The following PLXNA4 variants were observed in gnomAD, a reference collection of about 807,000 sequenced individuals.
The protein encoded by PLXNA4 is plexin-A4.
In PLXNA4, 44 loss-of-function variants were observed where a neutral mutation model predicts 191.8. The observed-to-expected ratio is 0.23, with a 90% CI of 0.18 to 0.29. PLXNA4 has a LOEUF of 0.29. Among genes scored for constraint, PLXNA4 ranks in the 10% least tolerant of loss-of-function variants. The probability of loss-of-function intolerance (pLI) is 1.00; values close to 1 mark genes in which losing one functional copy is unlikely to be tolerated. For synonymous variants in PLXNA4, 1,082 were observed against 1,009.5 expected, an observed-to-expected ratio of 1.07 and a Z score of -1.36; for missense variants, 1,800 against 2,488.8, an observed-to-expected ratio of 0.72 and a Z score of 5.89.
Position 132,491,347 on chromosome 7 carries a change from C to T in PLXNA4, c.1189-1873G>A, listed in dbSNP as rs569146074. On this transcript the variant is annotated intron_variant, in intron 2 of 31. Transcript: ENST00000321063. The stretch of plus-strand genomic sequence containing the variant: ...GGAGTGTGTGAAACCAGGCCACAGG[C>T]GTTCACCTGGCCCCAGCAGGCTCCT... 7.9e-5 allele frequency among the ~76,000 whole-genome samples: 12 copies of T among 152,306 alleles called. No individual in the cohort carries two copies. The East Asian group carries it at 1.9e-3, about 25-fold the overall frequency.
rs1263636580 is a variant in PLXNA4 at position 132,316,144 on chromosome 7, A to G, written c.1372-17922T>C. On this transcript the variant is annotated intron_variant, in intron 3 of 31. Transcript: ENST00000321063. ...AGGGGCACTGTCATTCCTTTAACAA[A>G]GTGAACGCCCACTTATTGCCTCAAA... Among the ~76,000 whole-genome samples, 4 of 152,198 alleles carry G rather than the reference A, an allele frequency of 2.6e-5. No homozygotes were observed. The East Asian group carries it at 7.7e-4, about 29-fold the overall frequency.
At chr7:132,178,123 G>A (rs1796538220) in intron 20 of PLXNA4, among the ~76,000 whole-genome samples, 2 of 152,170 alleles carry the variant, frequency 1.3e-5, no homozygotes, top group Admixed American at 1.3e-4. Flanking sequence ...TTTAATACAA[G>A]CTTTGAAACA....
intron 3 of PLXNA4, among the ~76,000 whole-genome samples, chr7:132,444,783 C>G (rs971879429): frequency 2.6e-5 from 4 of 152,162 alleles, no homozygotes; most frequent in Middle Eastern, 3.4e-3. Flanking sequence ...TGCTGGTCAC[C>G]GTCAGTAGAC....
rs139600297 is a variant in PLXNA4, at chr7:132,507,140, G to A, written c.1188+366C>T. Among the ~76,000 whole-genome samples, 657 of 152,198 alleles carry A rather than the reference G, an allele frequency of 4.3e-3. 2 individuals are homozygous for A. Among genetic ancestry groups the A allele is most frequent in the Middle Eastern group, 0.038 (11 of 292 alleles). On this transcript the variant is annotated intron_variant, in intron 2 of 31. Transcript: ENST00000321063. ...CTTGGTGAGTACAAAGGGCATGTACGTGTCTTGCACTACAGCACACTGTGA... is the reference window on the plus strand; with the variant it reads ...CTTGGTGAGTACAAAGGGCATGTACATGTCTTGCACTACAGCACACTGTGA...
At chr7:132,265,656 T>G (rs915925353) in intron 4 of PLXNA4, among the ~76,000 whole-genome samples, 2 of 152,158 alleles carry the variant, frequency 1.3e-5, no homozygotes, top group Non-Finnish European at 2.9e-5. Context: ...ACTGAATACC[T>G]TGTGTAGCAG....
At chr7:132,237,933 G>C in intron 5 of PLXNA4, among the ~76,000 whole-genome samples, 1 of 152,208 alleles carries the variant, frequency 6.6e-6, no homozygotes, top group Non-Finnish European at 1.5e-5. Context: ...GCTGAGGTGG[G>C]ATAAGGCAGC....
intron 1 of PLXNA4, among the ~76,000 whole-genome samples, chr7:132,564,743 A>AT (rs1325629064): frequency 1.3e-5 from 2 of 152,240 alleles, no homozygotes; most frequent in South Asian, 2.1e-4. Flanking sequence ...ATGCAAATAT[A>AT]TGTGCATGGC....
At chr7:132,198,966 G>A (rs1220652285) in intron 12 of PLXNA4, among the ~76,000 whole-genome samples, 2 of 152,168 alleles carry the variant, frequency 1.3e-5, no homozygotes, top group African/African-American at 4.8e-5. Context: ...GCATTTGCTT[G>A]TGTTGGTTCT....
intron 1 of PLXNA4, among the ~76,000 whole-genome samples, chr7:132,519,368 G>C (rs552856157): frequency 1.3e-5 from 2 of 152,298 alleles, no homozygotes; most frequent in African/African-American, 4.8e-5. Context: ...CACAGAAATG[G>C]GGGGACACCA....
intron 1 of PLXNA4, among the ~76,000 whole-genome samples, chr7:132,523,774 A>T (rs750036367): frequency 5.3e-5 from 8 of 151,868 alleles, no homozygotes; most frequent in Non-Finnish European, 1.0e-4. Context: ...GTGATGTGGA[A>T]ACAAGGGGGG....
intron 10 of PLXNA4, among the ~76,000 whole-genome samples, chr7:132,206,189 G>T (rs1271888564): frequency 6.6e-6 from 1 of 152,176 alleles, no homozygotes; most frequent in Non-Finnish European, 1.5e-5. Flanking sequence ...TCCTTGGATT[G>T]GCATAAGGAT....
intron 9 of PLXNA4, among the ~76,000 whole-genome samples, chr7:132,222,406 G>C (rs552063619): frequency 3.9e-4 from 60 of 152,286 alleles, no homozygotes; most frequent in Non-Finnish European, 6.6e-4. Context: ...ATTCTTAGTG[G>C]GGTATGAGTC....
At chr7:132,570,842 G>T (rs1801946747) in intron 1 of PLXNA4, among the ~76,000 whole-genome samples, 1 of 152,152 alleles carries the variant, frequency 6.6e-6, no homozygotes, top group Non-Finnish European at 1.5e-5. Context: ...AGAGGGGGAG[G>T]GGAAGATCCA....
intron 10 of PLXNA4, among the ~76,000 whole-genome samples, chr7:132,206,155 T>C (rs187718205): frequency 2.0e-4 from 30 of 152,234 alleles, no homozygotes; most frequent in Non-Finnish European, 3.8e-4. Context: ...ATTGGTAAAG[T>C]GGGAATTCAA....
intron 3 of PLXNA4, among the ~76,000 whole-genome samples, chr7:132,391,516 T>C (rs1805410763): frequency 6.6e-6 from 1 of 152,180 alleles, no homozygotes; most frequent in Admixed American, 6.5e-5. Flanking sequence ...CCCTTTAGCC[T>C]GAGGGAGCAA....
chr7:132,214,205 G>T (rs1461267208), intron 9 of PLXNA4, among the ~76,000 whole-genome samples: 1 of 152,146 alleles, frequency 6.6e-6, no homozygotes, highest in Non-Finnish European at 1.5e-5. Context: ...CTCCGGAGCT[G>T]GGCTGGAACC....
chr7:132,440,182 G>C (rs1216560810), intron 3 of PLXNA4, among the ~76,000 whole-genome samples: 1 of 152,146 alleles, frequency 6.6e-6, no homozygotes, highest in African/African-American at 2.4e-5. Context: ...TTGAAAAAGG[G>C]AGCCTTGGTT....
chr7:132,563,296 T>TC (rs1449497721), intron 1 of PLXNA4, among the ~76,000 whole-genome samples: 1 of 49,866 alleles, frequency 2.0e-5, no homozygotes, highest in Non-Finnish European at 3.8e-5. Context: ...CCTCCTCCTT[T>TC]CTCTTCCTCC....
chr7:132,222,661 C>T (rs1482407969), intron 9 of PLXNA4, among the ~76,000 whole-genome samples: 2 of 152,160 alleles, frequency 1.3e-5, no homozygotes, highest in African/African-American at 4.8e-5. Context: ...TGAGAGAGTG[C>T]AAGAAACACT....
Sources: gnomAD v4.1 joint callset for allele counts (sites outside exome capture counted in the v4.1 genomes callset) on GRCh38, gnomAD v4.1.1 for gene constraint, MANE v1.5 for transcripts, NCBI Gene and HGNC (gene_info 2026-07-23, HGNC 2026-07-21) for gene names.